The following PCYT1B variants were observed in gnomAD, a reference collection of about 807,000 sequenced individuals.
The protein encoded by PCYT1B is choline-phosphate cytidylyltransferase B.
Under a neutral mutation model 26.4 loss-of-function variants are expected in PCYT1B, and 10 were observed. The ratio of observed to expected loss-of-function variants is 0.38; its 90% CI spans 0.23 to 0.64. PCYT1B has a LOEUF of 0.64. Ranked by LOEUF, PCYT1B falls within the 30% of genes least tolerant of loss-of-function variation. The pLI is 0.56. For synonymous variants in PCYT1B, 131 were observed against 108.4 expected (o/e 1.21, Z -1.29); for missense variants, 161 against 292.7 (o/e 0.55, Z 3.28).
chrX:24,643,142 T>C (rs749808272), intron 1 of PCYT1B, among the ~76,000 whole-genome samples: 1 of 111,471 alleles, frequency 9.0e-6, no homozygotes, highest in East Asian at 2.8e-4. Context: ...AGCAGACAAC[T>C]TTCAGGGTGG....
At chrX:24,577,233 G>A (rs778935021) in intron 6 of PCYT1B, among the ~76,000 whole-genome samples, 2 of 111,380 alleles carry the variant, frequency 1.8e-5, no homozygotes, top group African/African-American at 6.5e-5. Flanking sequence ...TTGTCTACAC[G>A]CCCATGCAAC....
intron 3 of PCYT1B, among the ~76,000 whole-genome samples, chrX:24,603,432 T>C (rs1925027717): frequency 8.9e-6 from 1 of 112,437 alleles, no homozygotes; most frequent in Non-Finnish European, 1.9e-5. Flanking sequence ...TTTAAAATTA[T>C]TTGAGGTTGA....
chrX:24,640,458 G>A (rs2148269953), intron 1 of PCYT1B, among the ~76,000 whole-genome samples: 1 of 111,792 alleles, frequency 8.9e-6, no homozygotes, highest in East Asian at 2.8e-4. Flanking sequence ...AACCTGGGAA[G>A]ATTCTGGGAT....
intron 1 of PCYT1B, among the ~76,000 whole-genome samples, chrX:24,629,559 CAAAAAAAAAAAAAA>C (rs1165553186): frequency 6.2e-5 from 1 of 16,100 alleles, no homozygotes; most frequent in African/African-American, 2.2e-4. Flanking sequence ...GACCCTGTCT[CAAAAAAAAAAAAAA>C]AAAAAAAAAA....
At chrX:24,597,605 A>AG (rs1379572568) in intron 3 of PCYT1B, among the ~76,000 whole-genome samples, 2 of 112,176 alleles carry the variant, frequency 1.8e-5, no homozygotes, top group Admixed American at 9.5e-5. Flanking sequence ...TTGCATTGGA[A>AG]GGGGTGGAGG....
In PCYT1B at chrX:24,560,775, A is replaced by C. The variant is rs1175840424; in HGVS notation, c.*1518T>G. 8.9e-6 allele frequency: 1 copy of C among 112,057 alleles called. No individual in the cohort carries two copies. The highest frequency in any genetic ancestry group is 9.5e-5 in the Admixed American group (1 of 10,528). The allele number at this position is 112,057 out of a possible 1,213,427, so 9.2% of individuals were successfully genotyped here. On this transcript the variant is annotated 3_prime_UTR_variant, in exon 8 of 8. Coordinates refer to ENST00000379144, the MANE Select transcript of PCYT1B (RefSeq NM_004845.5). ...ACAAGAGATTCTGGGCTCTGCCTAC[A>C]AGTTGCTGGTTTGGGCCTCTATTCA...
chrX:24,589,893 G>T, intron 4 of PCYT1B, 130 bp downstream of exon 4: 2 of 522,794 alleles, frequency 3.8e-6, no homozygotes, highest in Non-Finnish European at 6.0e-6. Flanking sequence ...ACATCAAGCA[G>T]TTCCACATGA....
At chrX:24,570,399 G>A (rs1236898802) in intron 7 of PCYT1B, among the ~76,000 whole-genome samples, 3 of 107,213 alleles carry the variant, frequency 2.8e-5, no homozygotes, top group South Asian at 4.4e-4. Context: ...GATTACAGCC[G>A]TGTACCACCA....
intron 2 of PCYT1B, among the ~76,000 whole-genome samples, chrX:24,609,663 A>G (rs1009269311): frequency 8.9e-6 from 1 of 112,393 alleles, no homozygotes; most frequent in Non-Finnish European, 1.9e-5. Context: ...GGCAATGACA[A>G]TGGATGAGAG....
At chrX:24,667,464 C>T (rs1351729367) in intron 1 of PCYT1B, among the ~76,000 whole-genome samples, 1 of 111,154 alleles carries the variant, frequency 9.0e-6, no homozygotes, top group Non-Finnish European at 1.9e-5. Flanking sequence ...CACCTGTAAT[C>T]CCGACACTTT....
At chrX:24,626,240 G>C (rs2148259546) in intron 1 of PCYT1B, among the ~76,000 whole-genome samples, 1 of 112,376 alleles carries the variant, frequency 8.9e-6, no homozygotes, top group Non-Finnish European at 1.9e-5. Context: ...ATTAAAAGTA[G>C]TTTGTCATTC....
intron 1 of PCYT1B, among the ~76,000 whole-genome samples, chrX:24,662,493 A>G (rs918665215): frequency 9.9e-5 from 11 of 111,597 alleles, no homozygotes; most frequent in African/African-American, 1.6e-4. Flanking sequence ...ATGACCTTGA[A>G]TGTGTCCATA....
intron 1 of PCYT1B, among the ~76,000 whole-genome samples, chrX:24,666,756 T>G (rs1404290406): frequency 9.0e-6 from 1 of 111,244 alleles, no homozygotes; most frequent in Admixed American, 9.7e-5. Context: ...GAGGCCTCAT[T>G]GTGAGAATGG....
intron 1 of PCYT1B, among the ~76,000 whole-genome samples, chrX:24,622,310 T>A (rs1925725247): frequency 9.0e-6 from 1 of 111,687 alleles, no homozygotes; most frequent in Admixed American, 9.6e-5. Context: ...CCTGAGACAA[T>A]GTTTTTTCAG....
chrX:24,558,479 G>A lies in PCYT1B; in HGVS notation c.*3814C>T, dbSNP rs1016398680. The A allele has an allele frequency of 9.1e-6, 1 of 109,921 alleles. No homozygotes were observed. Among genetic ancestry groups the A allele is most frequent in the African/African-American group, 3.3e-5 (1 of 30,111 alleles). The allele number at this position is 109,921 out of a possible 1,213,427, so 9.1% of individuals were successfully genotyped here. A position where few individuals can be genotyped will look rare whatever the true frequency, so the allele number is the denominator to read the frequency against. ...ATGCCTAAGAAACAGGCACATCTCTGCTAGAGACGGGCTCATCTGCTTCAG... is the reference window on the plus strand; with the variant it reads ...ATGCCTAAGAAACAGGCACATCTCTACTAGAGACGGGCTCATCTGCTTCAG... On this transcript the variant is annotated 3_prime_UTR_variant, in exon 8 of 8. Transcript: ENST00000379144.
intron 1 of PCYT1B, among the ~76,000 whole-genome samples, chrX:24,656,514 A>G (rs757268258): frequency 1.9e-5 from 2 of 104,894 alleles, no homozygotes; most frequent in East Asian, 6.0e-4. Flanking sequence ...GGAGATGAAC[A>G]GTAAGGAGCT....
At chrX:24,615,763 T>C (rs1453258762) in intron 2 of PCYT1B, among the ~76,000 whole-genome samples, 1 of 112,111 alleles carries the variant, frequency 8.9e-6, no homozygotes, top group East Asian at 2.8e-4. Flanking sequence ...CCGCAGCGTA[T>C]GCAACAAGTA....
At chrX:24,629,571 A>AAAAAC (rs1925987494) in intron 1 of PCYT1B, among the ~76,000 whole-genome samples, 1 of 98,584 alleles carries the variant, frequency 1.0e-5, no homozygotes, top group Non-Finnish European at 2.1e-5. Flanking sequence ...AAAAAAAAAA[A>AAAAAC]AAAAAAAAAA....
chrX:24,654,471 CGGGGT>C (rs1430552137), intron 1 of PCYT1B, among the ~76,000 whole-genome samples: 2 of 99,140 alleles, frequency 2.0e-5, no homozygotes, highest in Non-Finnish European at 4.0e-5. Flanking sequence ...AAATTTATGG[CGGGGT>C]GGCGTGACTC....
Sources: allele counts gnomAD v4.1 joint callset (sites outside exome capture counted in the v4.1 genomes callset), GRCh38; gene constraint gnomAD v4.1.1; transcripts MANE v1.5; gene names NCBI Gene and HGNC (gene_info 2026-07-23, HGNC 2026-07-21).